The following TNPO3 variants were observed in gnomAD, a reference collection of about 807,000 sequenced individuals.
TNPO3 encodes the protein transportin 3.
In TNPO3, 65 loss-of-function variants were observed where a neutral mutation model predicts 122.8. That is an observed-to-expected ratio of 0.53 (90% confidence interval 0.43 to 0.65). The LOEUF (loss-of-function observed/expected upper bound fraction) is 0.65. TNPO3 is among the 30% of genes least tolerant of loss of function. TNPO3 has a pLI of 0.00. For synonymous variants in TNPO3, 372 were observed against 411.2 expected, an observed-to-expected ratio of 0.90 and a Z score of 1.15; for missense variants, 850 against 1,136.7, an observed-to-expected ratio of 0.75 and a Z score of 3.63.
chr7:128,979,877 C>T (rs1313862601), intron 15 of TNPO3, 94 bp downstream of exon 15: 20 of 1,126,328 alleles, frequency 1.8e-5, no homozygotes, highest in South Asian at 6.3e-5. Context: ...TCCCTATGAA[C>T]TTGGAAGACA....
chr7:128,989,197 A>G (rs1381065106), intron 11 of TNPO3, among the ~76,000 whole-genome samples: 2 of 152,244 alleles, frequency 1.3e-5, no homozygotes, highest in Non-Finnish European at 2.9e-5. Context: ...TGTTTCAGTC[A>G]CTAAAAACAG....
intron 4 of TNPO3, among the ~76,000 whole-genome samples, chr7:129,005,782 C>CTT (rs1186834521): frequency 3.8e-4 from 50 of 132,246 alleles, no homozygotes; most frequent in South Asian, 9.8e-4. Context: ...CTTTTCTTTT[C>CTT]TTTTTTTTTT....
In TNPO3 at chr7:129,001,328, C is replaced by T. The variant is rs192657424; in HGVS notation, c.697-94G>A. On this transcript the variant is annotated intron_variant, in intron 5 of 22. Coordinates refer to ENST00000265388, the MANE Select transcript of TNPO3 (RefSeq NM_012470.4). ...CACACCCTAGGGTTCAATCAACCATCGATAGAAAATATTCAAAATATAAGT... is the reference window on the plus strand; with the variant it reads ...CACACCCTAGGGTTCAATCAACCATTGATAGAAAATATTCAAAATATAAGT... 655 of 998,554 alleles carry T rather than the reference C, an allele frequency of 6.6e-4. 1 individual carries two copies. In the African/African-American group the frequency reaches 8.7e-3, roughly 13 times the overall value. 61.9% of individuals were successfully genotyped at this position (998,554 alleles called of 1,614,324 possible).
chr7:129,025,395 A>C (rs1353981086), intron 1 of TNPO3, among the ~76,000 whole-genome samples: 9 of 128,670 alleles, frequency 7.0e-5, no homozygotes, highest in Non-Finnish European at 9.7e-5. Flanking sequence ...AAAAAAAAAA[A>C]AACCAGCTGG....
At chr7:128,965,141 GA>G (rs1331015752) in intron 21 of TNPO3, among the ~76,000 whole-genome samples, 1 of 152,190 alleles carries the variant, frequency 6.6e-6, no homozygotes, top group Non-Finnish European at 1.5e-5. Flanking sequence ...TCAACAGAAT[GA>G]AAAGGCAACC....
chr7:128,968,141 A>C (rs1798105141), intron 20 of TNPO3, among the ~76,000 whole-genome samples: 1 of 152,200 alleles, frequency 6.6e-6, no homozygotes, highest in South Asian at 2.1e-4. Context: ...AGGGGCAAAA[A>C]GTATACTAAG....
intron 15 of TNPO3, 145 bp downstream of exon 15, chr7:128,979,826 C>G: frequency 1.4e-6 from 1 of 731,916 alleles, no homozygotes; most frequent in South Asian, 1.6e-5. Context: ...TTGGATGGCT[C>G]TGTCCCTCAT....
intron 14 of TNPO3, among the ~76,000 whole-genome samples, chr7:128,980,341 CT>C (rs374504822): frequency 3.3e-5 from 5 of 152,334 alleles, no homozygotes; most frequent in African/African-American, 1.2e-4. Context: ...GGTGTGGTGG[CT>C]CACGCCTGTA....
chr7:128,959,590 T>C (rs1434222156), intron 21 of TNPO3, among the ~76,000 whole-genome samples: 3 of 152,162 alleles, frequency 2.0e-5, no homozygotes, highest in Non-Finnish European at 4.4e-5. Context: ...TTTAGTGCGA[T>C]AGGGTGAAAT....
chr7:129,039,024 G>A (rs1377847966), intron 1 of TNPO3, among the ~76,000 whole-genome samples: 1 of 152,042 alleles, frequency 6.6e-6, no homozygotes, highest in Non-Finnish European at 1.5e-5. Context: ...TTTCTCCAAA[G>A]ATACACGAAT....
At chr7:129,031,565 A>G (rs972780574) in intron 1 of TNPO3, among the ~76,000 whole-genome samples, 1 of 152,182 alleles carries the variant, frequency 6.6e-6, no homozygotes, top group African/African-American at 2.4e-5. Flanking sequence ...AAACTTCCCA[A>G]TGAAGAAAAG....
chr7:128,976,326 A>G (rs536257419), intron 16 of TNPO3, among the ~76,000 whole-genome samples: 1 of 152,376 alleles, frequency 6.6e-6, no homozygotes, highest in South Asian at 2.1e-4. Context: ...AAACAGTATC[A>G]AACACCTTCA....
chr7:129,054,962 C>G lies in TNPO3; in HGVS notation c.-192G>C, dbSNP rs987794710. 37 of 651,974 alleles carry G rather than the reference C, an allele frequency of 5.7e-5. No individual in the cohort carries two copies. The African/African-American group carries it at 6.0e-4, about 11-fold the overall frequency. 40.4% of individuals were successfully genotyped at this position (651,974 alleles called of 1,614,324 possible). A position where few individuals can be genotyped will look rare whatever the true frequency, so the allele number is the denominator to read the frequency against. The stretch of plus-strand genomic sequence containing the variant: ...GCCCCCTCGGAAACAGCTATTAGGT[C>G]GTATTCAGGTTCCTGGCCTTTTTTC... On this transcript the variant is annotated 5_prime_UTR_variant, in exon 1 of 23. Coordinates refer to ENST00000265388, the MANE Select transcript of TNPO3 (RefSeq NM_012470.4).
chr7:128,993,111 T>C (rs1585339850), intron 9 of TNPO3, among the ~76,000 whole-genome samples: 1 of 145,228 alleles, frequency 6.9e-6, no homozygotes, highest in African/African-American at 2.6e-5. Flanking sequence ...TACACCCAAA[T>C]ATACAAAAAA....
chr7:129,033,276 T>A (rs1806158514), intron 1 of TNPO3, among the ~76,000 whole-genome samples: 2 of 152,194 alleles, frequency 1.3e-5, no homozygotes, highest in Admixed American at 1.3e-4. Flanking sequence ...GGATGACATT[T>A]CTGGAATAAA....
At chr7:129,046,824 A>G (rs1808111347) in intron 1 of TNPO3, among the ~76,000 whole-genome samples, 1 of 152,044 alleles carries the variant, frequency 6.6e-6, no homozygotes, top group Non-Finnish European at 1.5e-5. Context: ...GTGGAGGGGA[A>G]CTCACATTTA....
At chr7:129,017,925 C>T in intron 2 of TNPO3, 32 bp downstream of exon 2, 2 of 1,606,300 alleles carry the variant, frequency 1.2e-6, no homozygotes, top group Non-Finnish European at 1.7e-6. Context: ...AATGGCCATA[C>T]AAATTTCTCT....
At chr7:129,053,153 G>A (rs933640534) in intron 1 of TNPO3, among the ~76,000 whole-genome samples, 1 of 151,964 alleles carries the variant, frequency 6.6e-6, no homozygotes. Flanking sequence ...GCGAAACCCC[G>A]TTTCTACTAA....
intron 1 of TNPO3, among the ~76,000 whole-genome samples, chr7:129,052,553 G>A (rs780048399): frequency 3.3e-5 from 5 of 152,334 alleles, no homozygotes; most frequent in South Asian, 2.1e-4. Flanking sequence ...TGAAGATGAT[G>A]TAAGGTTGTA....
Sources: gnomAD v4.1 joint callset for allele counts (sites outside exome capture counted in the v4.1 genomes callset) on GRCh38, gnomAD v4.1.1 for gene constraint, MANE v1.5 for transcripts, NCBI Gene and HGNC (gene_info 2026-07-23, HGNC 2026-07-21) for gene names.